Variants in SDK2 observed in about 807,000 individuals in gnomAD.
SDK2 encodes the protein protein sidekick-2.
A neutral mutation model predicts 253.9 loss-of-function variants in SDK2; 105 were observed. The observed-to-expected ratio is 0.41, with a 90% CI of 0.35 to 0.49. SDK2 has a LOEUF of 0.49. Ranked by LOEUF, SDK2 falls within the 20% of genes least tolerant of loss-of-function variation. The pLI is 0.06. For missense variants in SDK2, 2,608 were observed against 3,003.0 expected (o/e 0.87, Z 3.07); for synonymous variants, 1,249 against 1,234.9 (o/e 1.01, Z -0.24).
At chr17:73,340,168 G>A (rs1458371237) in intron 44 of SDK2, among the ~76,000 whole-genome samples, 1 of 152,218 alleles carries the variant, frequency 6.6e-6, no homozygotes, top group Non-Finnish European at 1.5e-5. Flanking sequence ...ACCGTGCCCA[G>A]TCTACCTTTG....
chr17:73,420,678 T>G (rs2063221980), intron 15 of SDK2, among the ~76,000 whole-genome samples: 1 of 151,030 alleles, frequency 6.6e-6, no homozygotes, highest in South Asian at 2.1e-4. Flanking sequence ...TTTGGCCTTT[T>G]TCTTTTTTGT....
At chr17:73,560,092 G>A (rs942583938) in intron 1 of SDK2, among the ~76,000 whole-genome samples, 3 of 152,160 alleles carry the variant, frequency 2.0e-5, no homozygotes, top group South Asian at 2.1e-4. Flanking sequence ...TGGAGGACCC[G>A]CACACAGAGC....
rs2063324208 is a variant in SDK2 at position 73,431,364 on chromosome 17, C to A, written c.1480+138G>T. The stretch of plus-strand genomic sequence containing the variant: ...CACTGTCCCTCTGATGAGAAGGGCC[C>A]TGACTGGGACAGACACTGGGGATGG... On this transcript the variant is annotated intron_variant, in intron 11 of 44. Coordinates refer to ENST00000392650, the MANE Select transcript of SDK2 (RefSeq NM_001144952.2). This position sits in a 1 kb window ranked among gnomAD's most constrained non-coding sequence, Gnocchi z 5.6. The A allele has an allele frequency of 2.4e-6, 2 of 820,344 alleles. No individual in the cohort carries two copies. Among genetic ancestry groups the A allele is most frequent in the Non-Finnish European group, 3.7e-6 (2 of 546,860 alleles). 50.8% of individuals were successfully genotyped at this position (820,344 alleles called of 1,614,324 possible). A position where few individuals can be genotyped will look rare whatever the true frequency, so the allele number is the denominator to read the frequency against.
intron 1 of SDK2, among the ~76,000 whole-genome samples, chr17:73,587,310 G>A (rs1248490024): frequency 1.3e-5 from 2 of 152,192 alleles, no homozygotes; most frequent in African/African-American, 2.4e-5. Context: ...GCCCGAGGTG[G>A]AGCCAGGAGC....
At position 73,437,838 on chromosome 17, in the gene SDK2, C is replaced by T. The variant is rs1450558661; in HGVS notation, c.917-16G>A. 3 of 1,613,312 alleles carry T rather than the reference C, an allele frequency of 1.9e-6. No homozygotes were observed. Among genetic ancestry groups the T allele is most frequent in the Admixed American group, 3.3e-5 (2 of 60,000 alleles). On this transcript the variant is annotated splice_polypyrimidine_tract_variant and intron_variant, in intron 7 of 44. Coordinates refer to ENST00000392650, the MANE Select transcript of SDK2 (RefSeq NM_001144952.2). ...TGAGGCGGTTCTGCAGGAGGAAGGA[C>T]CAGGGGAGGGGGTCAGAGCCATGCT...
intron 2 of SDK2, among the ~76,000 whole-genome samples, chr17:73,505,676 A>G (rs992979674): frequency 6.6e-6 from 1 of 150,504 alleles, no homozygotes; most frequent in African/African-American, 2.5e-5. Flanking sequence ...ATCATCGTCA[A>G]TAGCTGGACC....
intron 1 of SDK2, among the ~76,000 whole-genome samples, chr17:73,530,021 G>A (rs1174383276): frequency 6.6e-6 from 1 of 152,178 alleles, no homozygotes; most frequent in African/African-American, 2.4e-5. Context: ...ACATGGGCAA[G>A]GTGGAAGGAA....
chr17:73,365,547 C>T (rs970052280), intron 37 of SDK2, among the ~76,000 whole-genome samples, 152 bp from the exon 38 acceptor site: 6 of 152,166 alleles, frequency 3.9e-5, no homozygotes, highest in Admixed American at 3.9e-4. Flanking sequence ...GGAGGGGTCA[C>T]TGGAGGCCAT....
chr17:73,396,223 T>C (rs890896479), intron 24 of SDK2, among the ~76,000 whole-genome samples: 3 of 152,078 alleles, frequency 2.0e-5, no homozygotes, highest in Non-Finnish European at 4.4e-5. Flanking sequence ...TCAGATTTCT[T>C]TGGGGCCTTA....
intron 3 of SDK2, among the ~76,000 whole-genome samples, chr17:73,458,919 G>A (rs1461796078): frequency 1.2e-4 from 19 of 152,260 alleles, no homozygotes; most frequent in South Asian, 8.3e-4. Flanking sequence ...TAGGAGAATC[G>A]CTTGAACCTG....
chr17:73,395,917 CTTTTCT>C lies in SDK2; in HGVS notation c.3355-531_3355-526del, dbSNP rs1316668985. On this transcript the variant is annotated intron_variant, in intron 24 of 44. Transcript: ENST00000392650. The surrounding 1 kb of genome is among the most constrained non-coding windows in gnomAD (Gnocchi z 4.3). Reference sequence around the variant, plus strand: ...CTGCTGCATTTTCAGCCTCCTTTTTCTTTTCTTTTTTTTTTTTAAGACAGGGTCTGG... The same window carrying C: ...CTGCTGCATTTTCAGCCTCCTTTTTCTTTTTTTTTTTAAGACAGGGTCTGG... Among the ~76,000 whole-genome samples, 1 of 150,800 alleles carries C rather than the reference CTTTTCT, an allele frequency of 6.6e-6. No individual in the cohort carries two copies. Among genetic ancestry groups the C allele is most frequent in the Non-Finnish European group, 1.5e-5 (1 of 67,920 alleles).
chr17:73,423,398 T>A lies in SDK2; in HGVS notation c.1885A>T (p.Met629Leu). The change falls in exon 14 of 45, where the codon ATG (methionine) becomes TTG (leucine). Residue 629 changes from methionine (M) to leucine (L), a missense_variant. Transcript: ENST00000392650. ...ACGGGAAGCTTACTGTTCTCCGACA[T>A]CTCCAGAATGTAGCGGATCAGGGGG... ...NSPLIRYILE[M>L]SENNAPWTVL... 1 of 1,497,612 alleles carries A rather than the reference T, an allele frequency of 6.7e-7. No homozygotes were observed. The highest frequency in any genetic ancestry group is 9.0e-7 in the Non-Finnish European group (1 of 1,116,420). 92.8% of individuals were successfully genotyped at this position (1,497,612 alleles called of 1,614,324 possible).
intron 39 of SDK2, among the ~76,000 whole-genome samples, chr17:73,359,755 C>T (rs948801208): frequency 7.9e-5 from 12 of 152,164 alleles, no homozygotes; most frequent in Non-Finnish European, 1.3e-4. Context: ...AAACGATTCT[C>T]CCACGACAGC....
intron 14 of SDK2, 35 bp downstream of exon 14, chr17:73,423,351 G>A: frequency 1.5e-6 from 2 of 1,376,362 alleles, no homozygotes; most frequent in South Asian, 1.8e-5. Flanking sequence ...CCAAGCTTGG[G>A]CGGGAGGTGT....
rs776316283 is a variant in SDK2, at chr17:73,644,008, TG to T, written c.64+16del. Reference sequence around the variant, plus strand: ...TCCCAGCCCCCTCCCTGTCCCCACGTGGGGGTCCCTCCTTACCTTGGGCTCT... The same window carrying T: ...TCCCAGCCCCCTCCCTGTCCCCACGTGGGGTCCCTCCTTACCTTGGGCTCT... On this transcript the variant is annotated intron_variant, in intron 1 of 44. Coordinates refer to ENST00000392650, the MANE Select transcript of SDK2 (RefSeq NM_001144952.2). The surrounding 1 kb of genome is among the most constrained non-coding windows in gnomAD (Gnocchi z 6.3). 7.5e-7 allele frequency: 1 copy of T among 1,341,070 alleles called. No individual in the cohort carries two copies. The highest frequency in any genetic ancestry group is 1.0e-6 in the Non-Finnish European group (1 of 999,620). The allele number at this position is 1,341,070 out of a possible 1,614,324, so 83.1% of individuals were successfully genotyped here.
At chr17:73,631,241 C>A (rs956995311) in intron 1 of SDK2, among the ~76,000 whole-genome samples, 13 of 152,222 alleles carry the variant, frequency 8.5e-5, no homozygotes, top group Non-Finnish European at 1.6e-4. Context: ...TCCTTGGCAG[C>A]CCAGGCCCCA....
At chr17:73,521,779 G>A (rs531704249) in intron 1 of SDK2, among the ~76,000 whole-genome samples, 22 of 152,286 alleles carry the variant, frequency 1.4e-4, no homozygotes, top group African/African-American at 4.6e-4. Context: ...CCTGTTTTCT[G>A]AGCCACAGTC....
chr17:73,584,809 GT>G (rs1253239149), intron 1 of SDK2, among the ~76,000 whole-genome samples: 1 of 152,228 alleles, frequency 6.6e-6, no homozygotes, highest in Non-Finnish European at 1.5e-5. Context: ...TCCCTGCAGG[GT>G]TCCCCTGCCT....
rs1315820128 is a variant in SDK2, at chr17:73,408,218, AT to A, written c.2485-6078del. 9.7e-3 allele frequency among the ~76,000 whole-genome samples: 1,260 copies of A among 129,484 alleles called. 7 individuals carry two copies. Among genetic ancestry groups the A allele is most frequent in the Non-Finnish European group, 0.015 (892 of 60,916 alleles). The allele number at this position is 129,484 out of a possible 152,430, so 84.9% of individuals were successfully genotyped here. A position where few individuals can be genotyped will look rare whatever the true frequency, so the allele number is the denominator to read the frequency against. ...AGGCATGTACCACTACACCTGGCTAATTTTTTTTTTTTTTTTTGAGATGGAG... is the reference window on the plus strand; with the variant it reads ...AGGCATGTACCACTACACCTGGCTAATTTTTTTTTTTTTTTTGAGATGGAG... On this transcript the variant is annotated intron_variant, in intron 18 of 44. Transcript: ENST00000392650.
Sources: gnomAD v4.1 joint callset for allele counts (sites outside exome capture counted in the v4.1 genomes callset) on GRCh38, gnomAD v4.1.1 for gene constraint, Gnocchi (gnomAD v3.1) non-coding constraint, MANE v1.5 for transcripts, NCBI Gene and HGNC (gene_info 2026-07-23, HGNC 2026-07-21) for gene names.